The following KIAA1328 variants were observed in gnomAD, a reference collection of about 807,000 sequenced individuals.
KIAA1328 encodes the protein protein hinderin.
A neutral mutation model predicts 68.1 loss-of-function variants in KIAA1328; 52 were observed. That is an observed-to-expected ratio of 0.76 (90% CI 0.61 to 0.96). KIAA1328 has a LOEUF of 0.96. KIAA1328 is among the 40% of genes least tolerant of loss of function. KIAA1328 has a pLI of 0.00. For missense variants in KIAA1328, 641 were observed against 677.6 expected (o/e 0.95, Z 0.60); for synonymous variants, 232 against 239.4 (o/e 0.97, Z 0.28).
At chr18:37,084,709 TGAA>T (rs2151812176) in intron 7 of KIAA1328, among the ~76,000 whole-genome samples, 1 of 152,336 alleles carries the variant, frequency 6.6e-6, no homozygotes, top group Admixed American at 6.5e-5. Flanking sequence ...AATTTTGCCT[TGAA>T]GAACATTTCT....
At chr18:36,959,279 A>G in intron 5 of KIAA1328, 29 bp from the exon 6 acceptor site, 1 of 1,538,306 alleles carries the variant, frequency 6.5e-7, no homozygotes, top group Non-Finnish European at 8.7e-7. Context: ...TCAATTTTTC[A>G]GTTTTTTTCC....
intron 5 of KIAA1328, chr18:36,886,499 G>T (rs2048505252): frequency 6.7e-6 from 1 of 149,860 alleles, no homozygotes; most frequent in Admixed American, 6.6e-5. Context: ...GACCTAGAGG[G>T]GTGTGTGTGT....
intron 7 of KIAA1328, among the ~76,000 whole-genome samples, chr18:37,118,806 C>T (rs1291639666): frequency 1.3e-5 from 2 of 152,130 alleles, no homozygotes; most frequent in African/African-American, 4.8e-5. Flanking sequence ...GGAGCCATTT[C>T]CATTTCCATC....
At chr18:37,038,683 T>G (rs2055125507) in intron 6 of KIAA1328, among the ~76,000 whole-genome samples, 1 of 152,154 alleles carries the variant, frequency 6.6e-6, no homozygotes, top group African/African-American at 2.4e-5. Flanking sequence ...CTTTTCATAA[T>G]GTATGTCTTT....
chr18:37,071,056 CCTTTTTTT>C (rs2056509799), intron 7 of KIAA1328, among the ~76,000 whole-genome samples: 1 of 114,196 alleles, frequency 8.8e-6, no homozygotes, highest in South Asian at 2.6e-4. Flanking sequence ...TTTTTTTCTT[CCTTTTTTT>C]TTTTTTTTTT....
chr18:37,223,182 C>T lies in KIAA1328; in HGVS notation c.*955C>T. ...GCTTCCTCTGGCCCTCCCTTTTCCT[C>T]CACGAGGATTAAAGGATACAAGCTG... On this transcript the variant is annotated 3_prime_UTR_variant, in exon 10 of 10. Coordinates refer to ENST00000280020, the MANE Select transcript of KIAA1328 (RefSeq NM_020776.3). 1 of 985,064 alleles carries T rather than the reference C, an allele frequency of 1.0e-6. No individual in the cohort carries two copies. The highest frequency in any genetic ancestry group is 1.2e-6 in the Non-Finnish European group (1 of 829,922). The allele number at this position is 985,064 out of a possible 1,614,324, so 61.0% of individuals were successfully genotyped here.
At chr18:37,068,321 T>G (rs775812255) in intron 7 of KIAA1328, among the ~76,000 whole-genome samples, 8 of 152,198 alleles carry the variant, frequency 5.3e-5, no homozygotes, top group Non-Finnish European at 1.2e-4. Flanking sequence ...TTCAACCCTT[T>G]CTGGCCATGA....
intron 7 of KIAA1328, among the ~76,000 whole-genome samples, chr18:37,119,253 T>C (rs2058205201): frequency 6.6e-6 from 1 of 152,164 alleles, no homozygotes; most frequent in African/African-American, 2.4e-5. Flanking sequence ...AGGAAAGTTA[T>C]AGATAAACAA....
At chr18:37,169,896 T>C (rs932438993) in intron 8 of KIAA1328, among the ~76,000 whole-genome samples, 3 of 152,224 alleles carry the variant, frequency 2.0e-5, no homozygotes, top group Non-Finnish European at 4.4e-5. Flanking sequence ...ATTATAAAAA[T>C]CCCTGGACCA....
At chr18:36,886,916 A>G (rs2048520725) in intron 5 of KIAA1328, among the ~76,000 whole-genome samples, 1 of 152,206 alleles carries the variant, frequency 6.6e-6, no homozygotes, top group Non-Finnish European at 1.5e-5. Flanking sequence ...GTAGCTATAA[A>G]AACAGAGTCC....
chr18:37,083,891 G>A (rs1322438568), intron 7 of KIAA1328, among the ~76,000 whole-genome samples: 1 of 152,112 alleles, frequency 6.6e-6, no homozygotes, highest in African/African-American at 2.4e-5. Context: ...ATTTTTAAAT[G>A]ATATTCTAAC....
intron 6 of KIAA1328, among the ~76,000 whole-genome samples, chr18:37,063,352 G>C (rs543353293): frequency 6.6e-6 from 1 of 152,272 alleles, no homozygotes; most frequent in South Asian, 2.1e-4. Context: ...GAGGGAGCAG[G>C]ATAAGACCTT....
chr18:36,992,451 C>CTTTTTTTTTTTTTTTTTTTTTTTTTT (rs71168252), intron 6 of KIAA1328, among the ~76,000 whole-genome samples: 1 of 130,100 alleles, frequency 7.7e-6, no homozygotes, highest in Non-Finnish European at 1.6e-5. Context: ...TCTTTTCTTT[C>CTTTTTTTTTTTTTTTTTTTTTTTTTT]TTTTTTTTTT....
intron 7 of KIAA1328, among the ~76,000 whole-genome samples, chr18:37,146,082 C>CT (rs915065935): frequency 4.2e-4 from 63 of 151,196 alleles, no homozygotes; most frequent in African/African-American, 1.3e-3. Context: ...GAGGATAATA[C>CT]TTTTTTTTTC....
intron 6 of KIAA1328, among the ~76,000 whole-genome samples, chr18:37,032,440 C>T (rs1313588769): frequency 6.6e-6 from 1 of 151,660 alleles, no homozygotes; most frequent in African/African-American, 2.4e-5. Context: ...TAGTTTTCAT[C>T]TAGTATCATT....
In KIAA1328 at chr18:37,077,349, A is replaced by T. The variant is rs558408921; in HGVS notation, c.1232+9804A>T. On this transcript the variant is annotated intron_variant, in intron 7 of 9. Coordinates refer to ENST00000280020, the MANE Select transcript of KIAA1328 (RefSeq NM_020776.3). Reference sequence around the variant, plus strand: ...GACGTATCTCAAAATAATAAGAGCTATCTATGACAAACCCACAGCCAATAC... The same window carrying T: ...GACGTATCTCAAAATAATAAGAGCTTTCTATGACAAACCCACAGCCAATAC... Among the ~76,000 whole-genome samples the T allele has an allele frequency of 3.8e-3, 542 of 144,082 alleles. 3 individuals carry two copies. The highest frequency in any genetic ancestry group is 6.0e-3 in the Non-Finnish European group (406 of 67,420). 94.5% of individuals were successfully genotyped at this position (144,082 alleles called of 152,430 possible). A position where few individuals can be genotyped will look rare whatever the true frequency, so the allele number is the denominator to read the frequency against.
At chr18:36,945,325 T>G (rs1568196116) in intron 5 of KIAA1328, among the ~76,000 whole-genome samples, 4 of 152,142 alleles carry the variant, frequency 2.6e-5, no homozygotes, top group Non-Finnish European at 1.5e-5. Flanking sequence ...ACCATTGAAG[T>G]AAAGTTGTTC....
At chr18:37,220,989 C>G (rs1219442143) in intron 9 of KIAA1328, among the ~76,000 whole-genome samples, 2 of 152,056 alleles carry the variant, frequency 1.3e-5, no homozygotes, top group African/African-American at 2.4e-5. Flanking sequence ...ACCATGCCCG[C>G]CTAATTTTTG....
chr18:37,135,143 A>G (rs1161460768), intron 7 of KIAA1328, among the ~76,000 whole-genome samples: 1 of 152,068 alleles, frequency 6.6e-6, no homozygotes, highest in Non-Finnish European at 1.5e-5. Flanking sequence ...GCTATTGTGA[A>G]TAGTGTTGCA....
Sources: gnomAD v4.1 joint callset for allele counts (sites outside exome capture counted in the v4.1 genomes callset) on GRCh38, gnomAD v4.1.1 for gene constraint, MANE v1.5 for transcripts, NCBI Gene and HGNC (gene_info 2026-07-23, HGNC 2026-07-21) for gene names.